The following PCDHA1 variants were observed in gnomAD, a reference collection of about 807,000 sequenced individuals.
PCDHA1 encodes the protein protocadherin alpha-1.
PCDHA1 carries 42 observed loss-of-function variants against 61.3 expected under a neutral mutation model. The ratio of observed to expected loss-of-function variants is 0.69; its 90% CI spans 0.54 to 0.89. The LOEUF (loss-of-function observed/expected upper bound fraction) is 0.89, where lower values mean the gene tolerates loss of function less well. PCDHA1 is among the 40% of genes least tolerant of loss of function. The pLI is 0.00. For synonymous variants in PCDHA1, 610 were observed against 553.8 expected (o/e 1.10, Z -1.43); for missense variants, 1,256 against 1,235.3 (o/e 1.02, Z -0.25).
At chr5:140,805,172 T>A in intron 1 of PCDHA1, 1 of 1,515,330 alleles carries the variant, frequency 6.6e-7, no homozygotes, top group Non-Finnish European at 8.8e-7. Context: ...GATGTACTGA[T>A]GCTATGCCAA....
chr5:140,823,864 G>A (rs1317473064), intron 1 of PCDHA1: 3 of 1,613,884 alleles, frequency 1.9e-6, no homozygotes, highest in African/African-American at 1.3e-5. Flanking sequence ...GGATGTCAAC[G>A]TGTACCTGAT....
chr5:140,966,982 G>C, intron 1 of PCDHA1: 1 of 1,603,506 alleles, frequency 6.2e-7, no homozygotes, highest in Non-Finnish European at 8.5e-7. Flanking sequence ...TGCGGCGCTT[G>C]GGGCCGGGTT....
At chr5:140,870,426 C>T in intron 1 of PCDHA1, 2 of 1,614,208 alleles carry the variant, frequency 1.2e-6, no homozygotes, top group South Asian at 2.2e-5. Context: ...CCAGGGTATC[C>T]GTGGAGGTGG....
chr5:140,982,526 T>A lies in PCDHA1; in HGVS notation c.2505T>A (p.Pro835=). Residue 835 remains proline (P), a synonymous_variant, in exon 3 of 4, where the codon CCT becomes CCA. Coordinates refer to ENST00000504120, the MANE Select transcript of PCDHA1 (RefSeq NM_018900.4). ...TTCTACGGGCTGGTCCAGGAGGGCC[T>A]GATCAGCAGTGGCCAACAGTATCCA... ...AGILRAGPGG[P]DQQWPTVSSA... is the part of the protein sequence containing the mutation. 1.2e-6 allele frequency: 2 copies of A among 1,614,192 alleles called. No individual in the cohort carries two copies. Among genetic ancestry groups the A allele is most frequent in the Non-Finnish European group, 1.7e-6 (2 of 1,180,028 alleles).
chr5:140,788,093 G>C lies in PCDHA1; in HGVS notation c.1803G>C (p.Ser601=), dbSNP rs555223653. 2.5e-6 allele frequency: 4 copies of C among 1,613,996 alleles called. No individual in the cohort carries two copies. The highest frequency in any genetic ancestry group is 2.2e-5 in the South Asian group (2 of 91,080). Residue 601 remains serine, a synonymous_variant, in exon 1 of 4, where the codon TCG becomes TCC. Transcript: ENST00000504120. Reference sequence around the variant, plus strand: ...AGGTGCGCGCAGTGGACGCCGACTCGGGCTACAACGCGTGGCTGTCCTATG... The same window carrying C: ...AGGTGCGCGCAGTGGACGCCGACTCCGGCTACAACGCGTGGCTGTCCTATG... ...VAKVRAVDAD[S]GYNAWLSYEL... is the part of the protein sequence containing the mutation.
intron 1 of PCDHA1, chr5:140,796,063 A>G (rs782315024): frequency 6.2e-7 from 1 of 1,614,212 alleles, no homozygotes; most frequent in East Asian, 2.2e-5. Flanking sequence ...TTCCCTGGGC[A>G]CTGTCATTGC....
chr5:140,902,798 T>C (rs1554190660), intron 1 of PCDHA1, among the ~76,000 whole-genome samples: 1 of 152,156 alleles, frequency 6.6e-6, no homozygotes, highest in Admixed American at 6.5e-5. Context: ...CACTTGTATG[T>C]GAGAATATAC....
intron 3 of PCDHA1, among the ~76,000 whole-genome samples, chr5:140,995,046 A>C (rs193191582): frequency 1.9e-4 from 29 of 152,184 alleles, no homozygotes; most frequent in Non-Finnish European, 3.7e-4. Context: ...CCTTAACTCT[A>C]CTGAATTTTC....
At chr5:140,867,783 G>A (rs1426151534) in intron 1 of PCDHA1, 1 of 152,002 alleles carries the variant, frequency 6.6e-6, no homozygotes, top group Non-Finnish European at 1.5e-5. Flanking sequence ...AGCAATTCCT[G>A]TATTTTACTT....
rs781919950 is a variant in PCDHA1 at position 140,786,787 on chromosome 5, C to A, written c.497C>A (p.Ala166Asp). 6.2e-6 allele frequency: 10 copies of A among 1,614,094 alleles called. No individual in the cohort carries two copies. Among genetic ancestry groups the A allele is most frequent in the Non-Finnish European group, 8.5e-6 (10 of 1,180,042 alleles). ...GCTGATGCAGACATTGGTGCTAACG[C>A]TCTTCTAACGTACACGCTCAGCCCG... ...GAADADIGAN[A>D]LLTYTLSPSD... Residue 166 changes from alanine (A) to aspartate (D), a missense_variant, in exon 1 of 4, where the codon GCT becomes GAT. Physicochemically the swap from Ala to Asp is moderately radical, Grantham distance 126. Transcript: ENST00000504120.
At chr5:140,935,203 A>G (rs1403808889) in intron 1 of PCDHA1, among the ~76,000 whole-genome samples, 1 of 152,160 alleles carries the variant, frequency 6.6e-6, no homozygotes, top group Non-Finnish European at 1.5e-5. Flanking sequence ...GTTTCTAGGT[A>G]TCTTCAGCTA....
intron 1 of PCDHA1, among the ~76,000 whole-genome samples, chr5:140,818,376 C>T (rs2150101046): frequency 1.1e-4 from 17 of 152,280 alleles, no homozygotes; most frequent in African/African-American, 2.4e-4. Flanking sequence ...TAACTTGAAT[C>T]GTGGCATTTT....
At chr5:140,977,448 CTCCTT>C (rs1554238572) in intron 1 of PCDHA1, among the ~76,000 whole-genome samples, 2 of 152,212 alleles carry the variant, frequency 1.3e-5, no homozygotes, top group Non-Finnish European at 2.9e-5. Context: ...ATAATGGAAA[CTCCTT>C]TGATTTGGTC....
At chr5:140,829,569 C>T (rs2150170274) in intron 1 of PCDHA1, 1 of 1,612,484 alleles carries the variant, frequency 6.2e-7, no homozygotes, top group East Asian at 2.2e-5. Flanking sequence ...GTGTCCTACT[C>T]GCTGGTGGAG....
At chr5:140,971,642 A>T (rs1586490477) in intron 1 of PCDHA1, among the ~76,000 whole-genome samples, 1 of 152,330 alleles carries the variant, frequency 6.6e-6, no homozygotes. Context: ...ATGTGCCTAC[A>T]TTAAAAGTAG....
chr5:140,978,427 GTTGCT>G (rs2096802128), intron 1 of PCDHA1, among the ~76,000 whole-genome samples: 1 of 152,196 alleles, frequency 6.6e-6, no homozygotes, highest in Non-Finnish European at 1.5e-5. Context: ...ACTGTTATCA[GTTGCT>G]GGTGTTATGA....
intron 1 of PCDHA1, chr5:140,876,328 C>T: frequency 6.2e-7 from 1 of 1,613,940 alleles, no homozygotes; most frequent in Non-Finnish European, 8.5e-7. Context: ...AATGATTTTG[C>T]CAGTGAGTGA....
chr5:140,848,458 G>A lies in PCDHA1; in HGVS notation c.2394+59774G>A, dbSNP rs2150410846. 52 of 1,529,436 alleles carry A rather than the reference G, an allele frequency of 3.4e-5. 3 individuals are homozygous for A. The South Asian group carries it at 5.9e-4, about 17-fold the overall frequency. The allele number at this position is 1,529,436 out of a possible 1,614,324, so 94.7% of individuals were successfully genotyped here. ...TCAGATGATTTCTTCTAATTTGGAG[G>A]CAATTTTCACTAATTAGAAGAAGAC... On this transcript the variant is annotated intron_variant, in intron 1 of 3. Transcript: ENST00000504120.
rs376026810 is a variant in PCDHA1 at position 140,944,280 on chromosome 5, C to T, written c.2395-34669C>T. 2.0e-4 allele frequency among the ~76,000 whole-genome samples: 31 copies of T among 152,226 alleles called. 1 individual carries two copies. The South Asian group carries it at 2.9e-3, about 14-fold the overall frequency. Reference sequence around the variant, plus strand: ...ACTGCTCACTGCAGCCTTGACACCCCGGGCTCAAGCGATCCTCCTACCTCA... The same window carrying T: ...ACTGCTCACTGCAGCCTTGACACCCTGGGCTCAAGCGATCCTCCTACCTCA... On this transcript the variant is annotated intron_variant, in intron 1 of 3. Coordinates refer to ENST00000504120, the MANE Select transcript of PCDHA1 (RefSeq NM_018900.4).
Sources: allele counts gnomAD v4.1 joint callset (sites outside exome capture counted in the v4.1 genomes callset), GRCh38; gene constraint gnomAD v4.1.1; transcripts MANE v1.5; gene names NCBI Gene and HGNC (gene_info 2026-07-23, HGNC 2026-07-21).